PTGFRN: variants seen among roughly 807,000 people sequenced by gnomAD.
PTGFRN encodes prostaglandin F2 receptor inhibitor, also known as prostaglandin F2 receptor negative regulator.
Under a neutral mutation model 83.2 loss-of-function variants are expected in PTGFRN, and 35 were observed. That is an observed-to-expected ratio of 0.42 (90% CI 0.32 to 0.56). The LOEUF is 0.56. PTGFRN is among the 20% of genes least tolerant of loss of function. The probability of loss-of-function intolerance (pLI) is 0.11; values close to 1 mark genes in which losing one functional copy is unlikely to be tolerated. For synonymous variants in PTGFRN, 519 were observed against 498.6 expected (o/e 1.04, Z -0.55); for missense variants, 1,051 against 1,179.5 (o/e 0.89, Z 1.60).
intron 1 of PTGFRN, among the ~76,000 whole-genome samples, chr1:116,922,515 A>G (rs931877448): frequency 6.6e-6 from 1 of 152,346 alleles, no homozygotes; most frequent in Non-Finnish European, 1.5e-5. Flanking sequence ...TACGTGGCTC[A>G]TAAATAATTG....
At chr1:116,982,563 A>C (rs1486735570) in intron 7 of PTGFRN, among the ~76,000 whole-genome samples, 1 of 151,990 alleles carries the variant, frequency 6.6e-6, no homozygotes, top group Non-Finnish European at 1.5e-5. Flanking sequence ...CCGCAAGCAA[A>C]GACAGACAAG....
At chr1:116,929,086 A>G (rs2101056059) in intron 1 of PTGFRN, among the ~76,000 whole-genome samples, 1 of 152,336 alleles carries the variant, frequency 6.6e-6, no homozygotes, top group Non-Finnish European at 1.5e-5. Context: ...TCCTTGGTAC[A>G]GATTTGCTTC....
intron 2 of PTGFRN, among the ~76,000 whole-genome samples, chr1:116,943,563 G>A (rs115784362): frequency 0.016 from 2,406 of 152,258 alleles, 56 homozygotes; most frequent in African/African-American, 0.055. Context: ...AGCCTCTGAT[G>A]GTTGCCATGT....
rs536064743 is a variant in PTGFRN at position 116,923,119 on chromosome 1, C to T, written c.49+12867C>T. Among the ~76,000 whole-genome samples, 88 of 152,276 alleles carry T rather than the reference C, an allele frequency of 5.8e-4. No homozygotes were observed. The highest frequency in any genetic ancestry group is 1.4e-3 in the Admixed American group (21 of 15,290). The stretch of plus-strand genomic sequence containing the variant: ...TTAGGATGAGCATTTGTGTGTCTCA[C>T]CCAACCGTAAGCAGCTCGAAAGCAG... On this transcript the variant is annotated intron_variant, in intron 1 of 8. Transcript: ENST00000393203. The surrounding 1 kb of genome is among the most constrained non-coding windows in gnomAD (Gnocchi z 4.0).
At chr1:116,956,867 T>A (rs1650511868) in intron 4 of PTGFRN, among the ~76,000 whole-genome samples, 1 of 152,140 alleles carries the variant, frequency 6.6e-6, no homozygotes, top group Non-Finnish European at 1.5e-5. Flanking sequence ...TTGCAAATAT[T>A]CATAAAGTGT....
chr1:116,932,912 A>G (rs1328236175), intron 1 of PTGFRN, among the ~76,000 whole-genome samples: 1 of 152,226 alleles, frequency 6.6e-6, no homozygotes, highest in African/African-American at 2.4e-5. Flanking sequence ...TATGACCTTC[A>G]GGAGGTTATT....
chr1:116,967,272 T>G lies in PTGFRN; in HGVS notation c.2001T>G (p.Leu667=). The G allele has an allele frequency of 6.2e-7, 1 of 1,614,200 alleles. No individual in the cohort carries two copies. Among genetic ancestry groups the G allele is most frequent in the South Asian group, 1.1e-5 (1 of 91,084 alleles). The change falls in exon 6 of 9, where the codon CTT becomes CTG. Residue 667 remains leucine, a synonymous_variant. Transcript: ENST00000393203. ...CCTGGTCTCCTGTCAGGGGCAGCCT[T>G]TGGCGAGAAGCAGCAACCAGTCTCT... ...VTAWSPVRGS[L]WREAATSLSN...
At chr1:116,949,718 C>T in intron 4 of PTGFRN, 146 bp downstream of exon 4, 1 of 1,186,566 alleles carries the variant, frequency 8.4e-7, no homozygotes, top group Non-Finnish European at 1.1e-6. Flanking sequence ...CCAGATAGAT[C>T]CCAAGCTGGG....
chr1:116,963,733 G>C (rs183846851), intron 5 of PTGFRN, among the ~76,000 whole-genome samples: 1 of 151,718 alleles, frequency 6.6e-6, no homozygotes, highest in Non-Finnish European at 1.5e-5. Context: ...TTAGCCTCCC[G>C]AGCGGTTGGG....
chr1:116,967,532 T>G (rs989093385), intron 6 of PTGFRN, among the ~76,000 whole-genome samples: 33 of 152,154 alleles, frequency 2.2e-4, no homozygotes, highest in African/African-American at 7.5e-4. Context: ...TTTAGAACAT[T>G]TTCATGACCC....
In PTGFRN at chr1:116,989,624, G is replaced by T. The variant is rs932062394; in HGVS notation, c.*2657G>T. The stretch of plus-strand genomic sequence containing the variant: ...TTTCCTAATCATAAAAATAGCCCCA[G>T]AAAGAGCCTAAGCTATGTTCAGATA... On this transcript the variant is annotated 3_prime_UTR_variant, in exon 9 of 9. Transcript: ENST00000393203. The T allele has an allele frequency of 6.6e-6, 1 of 152,494 alleles. No homozygotes were observed. Among genetic ancestry groups the T allele is most frequent in the African/African-American group, 2.4e-5 (1 of 41,396 alleles). 9.4% of individuals were successfully genotyped at this position (152,494 alleles called of 1,614,324 possible). A position where few individuals can be genotyped will look rare whatever the true frequency, so the allele number is the denominator to read the frequency against.
intron 4 of PTGFRN, among the ~76,000 whole-genome samples, chr1:116,957,983 G>A (rs1650544533): frequency 1.3e-5 from 2 of 151,872 alleles, no homozygotes; most frequent in African/African-American, 4.8e-5. Flanking sequence ...AGTCTATTGT[G>A]TATATATACC....
Position 116,989,984 on chromosome 1 carries a change from ACTGAGC to A in PTGFRN, c.*3020_*3025del, listed in dbSNP as rs1407998892. On this transcript the variant is annotated 3_prime_UTR_variant, in exon 9 of 9. Transcript: ENST00000393203. ...TGTCACTGACATCTGTGAGCCAAAGACTGAGCCTTTTTGGCAGGAATAATAAGCAAT... is the reference window on the plus strand; with the variant it reads ...TGTCACTGACATCTGTGAGCCAAAGACTTTTTGGCAGGAATAATAAGCAAT... 4 of 152,666 alleles carry A rather than the reference ACTGAGC, an allele frequency of 2.6e-5. No homozygotes were observed. Among genetic ancestry groups the A allele is most frequent in the Non-Finnish European group, 5.9e-5 (4 of 68,048 alleles). The allele number at this position is 152,666 out of a possible 1,614,324, so 9.5% of individuals were successfully genotyped here. A position where few individuals can be genotyped will look rare whatever the true frequency, so the allele number is the denominator to read the frequency against.
intron 7 of PTGFRN, among the ~76,000 whole-genome samples, chr1:116,977,655 G>T (rs1651194272): frequency 1.3e-5 from 2 of 152,146 alleles, no homozygotes. Flanking sequence ...CAGAAATAAA[G>T]ATGTTCTTTG....
chr1:116,976,669 A>G (rs1651165271), intron 7 of PTGFRN, among the ~76,000 whole-genome samples: 1 of 152,222 alleles, frequency 6.6e-6, no homozygotes, highest in Admixed American at 6.5e-5. Context: ...AGACAAGCAA[A>G]TGCTGAGAGA....
intron 4 of PTGFRN, among the ~76,000 whole-genome samples, chr1:116,954,712 C>T (rs1036891900): frequency 6.6e-6 from 1 of 152,218 alleles, no homozygotes; most frequent in Non-Finnish European, 1.5e-5. Flanking sequence ...AGCCAGGCCA[C>T]GGAGCCAAAG....
chr1:116,974,811 G>A (rs903861480), intron 7 of PTGFRN, among the ~76,000 whole-genome samples: 6 of 152,174 alleles, frequency 3.9e-5, no homozygotes, highest in African/African-American at 7.2e-5. Context: ...TGCAGAAGAC[G>A]GGTGATTTCT....
At chr1:116,925,082 C>T (rs1251362379) in intron 1 of PTGFRN, among the ~76,000 whole-genome samples, 1 of 152,106 alleles carries the variant, frequency 6.6e-6, no homozygotes, top group Admixed American at 6.5e-5. Flanking sequence ...AGGTTTTTGT[C>T]TGGCAGAGAA....
chr1:116,915,265 C>G (rs531471444), intron 1 of PTGFRN, among the ~76,000 whole-genome samples: 1 of 152,322 alleles, frequency 6.6e-6, no homozygotes, highest in African/African-American at 2.4e-5. Flanking sequence ...AGGTACACTT[C>G]CTGAAGGGAA....
Sources: gnomAD v4.1 joint callset for allele counts (sites outside exome capture counted in the v4.1 genomes callset) on GRCh38, gnomAD v4.1.1 for gene constraint, Gnocchi (gnomAD v3.1) non-coding constraint, MANE v1.5 for transcripts, NCBI Gene and HGNC (gene_info 2026-07-23, HGNC 2026-07-21) for gene names.